Variants in NXPE1 observed in about 807,000 individuals in gnomAD.
NXPE1 encodes NXPE family member 1.
Under a neutral mutation model 33.3 loss-of-function variants are expected in NXPE1, and 31 were observed. The ratio of observed to expected loss-of-function variants is 0.93; its 90% CI spans 0.70 to 1.26. The LOEUF is 1.26. Among genes scored for constraint, NXPE1 ranks in the 50% most tolerant of loss-of-function variants. The pLI, the probability that NXPE1 is intolerant of heterozygous loss-of-function variation, is 0.00. For missense variants in NXPE1, 661 were observed against 655.6 expected (o/e 1.01, Z -0.09); for synonymous variants, 229 against 231.4 (o/e 0.99, Z 0.09).
At chr11:114,522,427 C>T (rs778670152) in exon 9 of NXPE1, 6 of 1,613,924 alleles carry the variant, frequency 3.7e-6, no homozygotes, top group Non-Finnish European at 5.1e-6. Flanking sequence ...TCCATTGAAT[C>T]TGAGTGTGTC....
At chr11:114,557,654 T>C (rs1205685806) in intron 1 of NXPE1, among the ~76,000 whole-genome samples, 1 of 141,050 alleles carries the variant, frequency 7.1e-6, no homozygotes, top group Admixed American at 7.2e-5. Context: ...TATATATATA[T>C]ATATATATAT....
intron 1 of NXPE1, among the ~76,000 whole-genome samples, chr11:114,558,914 T>C (rs575253628): frequency 3.3e-5 from 5 of 152,152 alleles, no homozygotes; most frequent in Admixed American, 1.3e-4. Flanking sequence ...GCTGTAATTG[T>C]AGGGAATTAA....
chr11:114,530,468 C>A, exon 6 of NXPE1: 1 of 1,614,222 alleles, frequency 6.2e-7, no homozygotes, highest in South Asian at 1.1e-5. Flanking sequence ...GGATGAGCAG[C>A]AGAGACAGGG....
Position 114,522,504 on chromosome 11 carries a change from CT to C in NXPE1, c.1109-2del. On this transcript the variant is annotated splice_acceptor_variant, in intron 8 of 8. Coordinates refer to ENST00000534921, the Ensembl canonical transcript of NXPE1. LOFTEE classifies it high-confidence loss of function. ...TCATGAAGATCAAAAAACTTCAGTGCTGATAAAAAAACAAATAGATGTTTTA... is the reference window on the plus strand; with the variant it reads ...TCATGAAGATCAAAAAACTTCAGTGCGATAAAAAAACAAATAGATGTTTTA... 6.3e-7 allele frequency: 1 copy of C among 1,575,696 alleles called. No homozygotes were observed. The highest frequency in any genetic ancestry group is 8.6e-7 in the Non-Finnish European group (1 of 1,161,326).
At chr11:114,557,139 G>A (rs555801908) in intron 1 of NXPE1, among the ~76,000 whole-genome samples, 17 of 152,056 alleles carry the variant, frequency 1.1e-4, no homozygotes, top group Admixed American at 7.2e-4. Context: ...AGTAATCTGC[G>A]TGCCTCAGCC....
At chr11:114,522,143 A>G in exon 9 of NXPE1, 1 of 1,614,088 alleles carries the variant, frequency 6.2e-7, no homozygotes, top group Non-Finnish European at 8.5e-7. Context: ...GAAGTCTCCA[A>G]ACCTCTCTGT....
intron 1 of NXPE1, among the ~76,000 whole-genome samples, chr11:114,553,296 G>A (rs1341301223): frequency 6.6e-6 from 1 of 152,074 alleles, no homozygotes; most frequent in Non-Finnish European, 1.5e-5. Context: ...AGATTCCCTC[G>A]GAGAGTCCCT....
intron 5 of NXPE1, among the ~76,000 whole-genome samples, chr11:114,546,167 G>A (rs975674606): frequency 4.6e-5 from 7 of 152,152 alleles, no homozygotes; most frequent in Admixed American, 2.6e-4. Flanking sequence ...TCTGTAAGGC[G>A]AAAGACAAAA....
At chr11:114,521,660 G>A (rs539725917) in exon 9 of NXPE1, 147 of 266,734 alleles carry the variant, frequency 5.5e-4, no homozygotes, top group African/African-American at 3.2e-3. Context: ...TATCTATATT[G>A]GAAATAGAAA....
chr11:114,549,281 A>G (rs1455651), intron 5 of NXPE1, among the ~76,000 whole-genome samples: 35,432 of 151,940 alleles, frequency 0.23, 5,935 homozygotes, highest in African/African-American at 0.47. Context: ...CGAAATAAGT[A>G]TAATGTATTT....
chr11:114,531,688 G>A (rs914817190), intron 5 of NXPE1, among the ~76,000 whole-genome samples: 2 of 152,022 alleles, frequency 1.3e-5, no homozygotes, highest in Admixed American at 6.6e-5. Context: ...ATTTTTAGGA[G>A]CTGACCTTCC....
intron 5 of NXPE1, among the ~76,000 whole-genome samples, chr11:114,546,223 C>T (rs567421844): frequency 5.3e-5 from 8 of 152,152 alleles, no homozygotes; most frequent in African/African-American, 1.9e-4. Context: ...ATTCTGAAAC[C>T]ATTGTATGTG....
At chr11:114,529,215 G>A (rs1311480001) in intron 6 of NXPE1, 1 of 165,150 alleles carries the variant, frequency 6.1e-6, no homozygotes, top group Non-Finnish European at 1.3e-5. Flanking sequence ...AAAATAAAAG[G>A]GTACTGGCAG....
intron 6 of NXPE1, chr11:114,529,868 AATATG>A (rs1947511755): frequency 3.5e-6 from 1 of 284,668 alleles, no homozygotes; most frequent in Admixed American, 4.7e-5. Flanking sequence ...AAATTAACAA[AATATG>A]ATATGGGAGG....
intron 5 of NXPE1, among the ~76,000 whole-genome samples, chr11:114,534,210 C>A (rs935375386): frequency 9.2e-5 from 14 of 152,294 alleles, no homozygotes; most frequent in Middle Eastern, 6.8e-3. Flanking sequence ...TCCAACAGAC[C>A]TGCAGCTGAG....
chr11:114,554,173 C>T lies in NXPE1; in HGVS notation c.-210-1293G>A, dbSNP rs929487750. On this transcript the variant is annotated intron_variant, in intron 1 of 8. Coordinates refer to ENST00000534921, the Ensembl canonical transcript of NXPE1. ...TCAATGTACAGAGCCCGCTAGTTGT[C>T]TCTTTCATCAGCTGTAATAGAAACT... 3.0e-6 allele frequency: 3 copies of T among 985,244 alleles called. No homozygotes were observed. The African/African-American group carries it at 5.2e-5, about 17-fold the overall frequency. 61.0% of individuals were successfully genotyped at this position (985,244 alleles called of 1,614,324 possible). A position where few individuals can be genotyped will look rare whatever the true frequency, so the allele number is the denominator to read the frequency against.
chr11:114,526,177 C>T (rs1947363362), intron 7 of NXPE1, among the ~76,000 whole-genome samples: 1 of 152,174 alleles, frequency 6.6e-6, no homozygotes, highest in Non-Finnish European at 1.5e-5. Context: ...AGCAAAGGAA[C>T]AGATTCTCCC....
intron 5 of NXPE1, among the ~76,000 whole-genome samples, chr11:114,547,177 G>A (rs1948311012): frequency 6.6e-6 from 1 of 152,134 alleles, no homozygotes; most frequent in Non-Finnish European, 1.5e-5. Context: ...GGAGAAACCT[G>A]ATGAACATCA....
intron 5 of NXPE1, among the ~76,000 whole-genome samples, chr11:114,541,949 A>G (rs116080194): frequency 0.014 from 2,078 of 152,272 alleles, 51 homozygotes; most frequent in African/African-American, 0.048. Flanking sequence ...CCTTATCTCC[A>G]TTTACTAAGT....
Sources: gnomAD v4.1 joint callset for allele counts (sites outside exome capture counted in the v4.1 genomes callset) on GRCh38, gnomAD v4.1.1 for gene constraint, MANE v1.5 for transcripts, NCBI Gene and HGNC (gene_info 2026-07-23, HGNC 2026-07-21) for gene names.